The following CADM1 variants were observed in gnomAD, a reference collection of about 807,000 sequenced individuals.
The protein encoded by CADM1 is TSLC-1.
In CADM1, 15 loss-of-function variants were observed where a neutral mutation model predicts 53.1. That is an observed-to-expected ratio of 0.28 (90% CI 0.19 to 0.44). The LOEUF (loss-of-function observed/expected upper bound fraction) is 0.44. Ranked by LOEUF, CADM1 falls within the 20% of genes least tolerant of loss-of-function variation. The probability of loss-of-function intolerance (pLI) is 1.00; values close to 1 mark genes in which losing one functional copy is unlikely to be tolerated. For synonymous variants in CADM1, 281 were observed against 243.0 expected (o/e 1.16, Z -1.45); for missense variants, 434 against 611.3 (o/e 0.71, Z 3.06).
intron 1 of CADM1, among the ~76,000 whole-genome samples, chr11:115,406,749 C>G (rs1947324002): frequency 6.6e-6 from 1 of 151,282 alleles, no homozygotes; most frequent in Admixed American, 6.6e-5. Flanking sequence ...GAGTTCAAGG[C>G]CACCCTGGCC....
chr11:115,441,171 C>A (rs1001235789), intron 1 of CADM1, among the ~76,000 whole-genome samples: 1 of 151,472 alleles, frequency 6.6e-6, no homozygotes, highest in African/African-American at 2.4e-5. Context: ...GGAGTGAAGT[C>A]CTGCCTGCTC....
chr11:115,183,146 G>A (rs894427612), intron 10 of CADM1, among the ~76,000 whole-genome samples: 1 of 152,154 alleles, frequency 6.6e-6, no homozygotes, highest in Non-Finnish European at 1.5e-5. Flanking sequence ...GTTCCCCAGG[G>A]CGTGACAAGA....
At chr11:115,295,506 T>TTATATATATATATA (rs71066412) in intron 1 of CADM1, among the ~76,000 whole-genome samples, 2 of 55,036 alleles carry the variant, frequency 3.6e-5, no homozygotes, top group Non-Finnish European at 6.1e-5. Context: ...TCAAGATATT[T>TTATATATATATATA]TATATATATA....
chr11:115,328,160 C>G (rs1419597378), intron 1 of CADM1, among the ~76,000 whole-genome samples: 2 of 151,750 alleles, frequency 1.3e-5, no homozygotes, highest in African/African-American at 2.4e-5. Flanking sequence ...TCAGATTGGC[C>G]AAGTCTCTCT....
chr11:115,486,762 A>G (rs1341852539), intron 1 of CADM1, among the ~76,000 whole-genome samples: 2 of 152,330 alleles, frequency 1.3e-5, no homozygotes, highest in East Asian at 3.9e-4. Flanking sequence ...GCCTTTATTC[A>G]CATGGTTCTC....
chr11:115,314,545 A>G (rs1342077537), intron 1 of CADM1, among the ~76,000 whole-genome samples: 3 of 152,208 alleles, frequency 2.0e-5, no homozygotes, highest in African/African-American at 7.2e-5. Flanking sequence ...AAGACTATGC[A>G]GTATGACTAT....
intron 8 of CADM1, among the ~76,000 whole-genome samples, chr11:115,203,048 A>G (rs1940509232): frequency 6.6e-6 from 1 of 152,166 alleles, no homozygotes; most frequent in East Asian, 1.9e-4. Context: ...CTAAAAGGCC[A>G]AAATAGGAGA....
Position 115,173,664 on chromosome 11 carries a change from A to T in CADM1, c.*2810T>A, listed in dbSNP as rs73570067. On this transcript the variant is annotated 3_prime_UTR_variant, in exon 12 of 12. Transcript: ENST00000331581. Reference sequence around the variant, plus strand: ...TAATTTTTTTTTATTAAGAAGACAGATATTTTATAGTACTTCTTTTTTTTC... The same window carrying T: ...TAATTTTTTTTTATTAAGAAGACAGTTATTTTATAGTACTTCTTTTTTTTC... The T allele has an allele frequency of 4.5e-6, 2 of 442,082 alleles. No homozygotes were observed. Among genetic ancestry groups the T allele is most frequent in the Admixed American group, 6.5e-5 (1 of 15,380 alleles). The allele number at this position is 442,082 out of a possible 1,614,324, so 27.4% of individuals were successfully genotyped here. A position where few individuals can be genotyped will look rare whatever the true frequency, so the allele number is the denominator to read the frequency against.
At chr11:115,212,726 T>C (rs1941017204) in intron 7 of CADM1, among the ~76,000 whole-genome samples, 1 of 152,224 alleles carries the variant, frequency 6.6e-6, no homozygotes, top group South Asian at 2.1e-4. Flanking sequence ...ATTTTGGTTC[T>C]AAAACACATT....
chr11:115,193,373 A>T (rs1939988621), intron 9 of CADM1, among the ~76,000 whole-genome samples: 1 of 152,192 alleles, frequency 6.6e-6, no homozygotes, highest in African/African-American at 2.4e-5. Context: ...ATATGGGATT[A>T]TTTTTGAGCA....
chr11:115,437,478 A>G (rs1241883961), intron 1 of CADM1, among the ~76,000 whole-genome samples: 1 of 152,208 alleles, frequency 6.6e-6, no homozygotes, highest in East Asian at 1.9e-4. Context: ...ATATTTCTAC[A>G]AAAACAAATC....
intron 1 of CADM1, among the ~76,000 whole-genome samples, chr11:115,326,767 C>G (rs968147362): frequency 2.6e-5 from 4 of 152,096 alleles, no homozygotes; most frequent in Non-Finnish European, 1.5e-5. Flanking sequence ...GCTTGGCAAC[C>G]ATTGAATTTG....
intron 9 of CADM1, among the ~76,000 whole-genome samples, chr11:115,192,168 C>A (rs1939904714): frequency 6.6e-6 from 1 of 152,228 alleles, no homozygotes. Flanking sequence ...ATCACTGAAG[C>A]CTGCATTTTG....
rs1202303510 is a variant in CADM1, at chr11:115,171,145, T to C, written c.*5329A>G. 1.3e-5 allele frequency: 2 copies of C among 152,200 alleles called. No individual in the cohort carries two copies. The highest frequency in any genetic ancestry group is 2.9e-5 in the Non-Finnish European group (2 of 68,046). The allele number at this position is 152,200 out of a possible 1,614,324, so 9.4% of individuals were successfully genotyped here. On this transcript the variant is annotated 3_prime_UTR_variant, in exon 12 of 12. Transcript: ENST00000331581. The stretch of plus-strand genomic sequence containing the variant: ...CAGCGCTTCAAAAACTATACATGTA[T>C]GGCTGTGAATACAAATTTCACCCTG...
At chr11:115,438,552 T>C (rs778038484) in intron 1 of CADM1, among the ~76,000 whole-genome samples, 3 of 152,238 alleles carry the variant, frequency 2.0e-5, no homozygotes, top group East Asian at 1.9e-4. Context: ...AGAAAAACCA[T>C]TGGCCTCTTG....
intron 1 of CADM1, among the ~76,000 whole-genome samples, chr11:115,345,147 T>G (rs1468854519): frequency 6.6e-6 from 1 of 152,166 alleles, no homozygotes; most frequent in East Asian, 1.9e-4. Context: ...CTGAGGCTCT[T>G]CTGCACGACC....
intron 1 of CADM1, among the ~76,000 whole-genome samples, chr11:115,331,586 G>C (rs1293291300): frequency 2.0e-5 from 3 of 152,048 alleles, no homozygotes; most frequent in Non-Finnish European, 4.4e-5. Context: ...CATGAACCAT[G>C]GAAACAACTG....
chr11:115,336,414 T>C (rs553478732), intron 1 of CADM1, among the ~76,000 whole-genome samples: 20 of 152,194 alleles, frequency 1.3e-4, no homozygotes, highest in Non-Finnish European at 2.8e-4. Context: ...TCAGAGGTTA[T>C]AAAAGACTTT....
At chr11:115,393,400 T>A (rs1407859691) in intron 1 of CADM1, among the ~76,000 whole-genome samples, 1 of 151,572 alleles carries the variant, frequency 6.6e-6, no homozygotes, top group Non-Finnish European at 1.5e-5. Flanking sequence ...TAGAAAAAAA[T>A]TTTAAATGAA....
Sources: allele counts gnomAD v4.1 joint callset (sites outside exome capture counted in the v4.1 genomes callset), GRCh38; gene constraint gnomAD v4.1.1; transcripts MANE v1.5; gene names NCBI Gene and HGNC (gene_info 2026-07-23, HGNC 2026-07-21).